Variants in RNGTT observed in about 807,000 individuals in gnomAD.
The protein encoded by RNGTT is mRNA-capping enzyme.
In RNGTT, 33 loss-of-function variants were observed where a neutral mutation model predicts 79.3. The ratio of observed to expected loss-of-function variants is 0.42; its 90% confidence interval spans 0.32 to 0.56. RNGTT has a LOEUF of 0.56. Among genes scored for constraint, RNGTT ranks in the 20% least tolerant of loss-of-function variants. The pLI, the probability that RNGTT is intolerant of heterozygous loss-of-function variation, is 0.17. For missense variants in RNGTT, 497 were observed against 739.1 expected, an observed-to-expected ratio of 0.67 and a Z score of 3.80; for synonymous variants, 222 against 235.9, an observed-to-expected ratio of 0.94 and a Z score of 0.54.
chr6:88,663,791 G>C (rs1031887652), intron 14 of RNGTT, among the ~76,000 whole-genome samples: 3 of 152,178 alleles, frequency 2.0e-5, no homozygotes, highest in African/African-American at 7.2e-5. Context: ...ATGCCCCTAA[G>C]AGAGCAACGG....
intron 13 of RNGTT, among the ~76,000 whole-genome samples, chr6:88,747,193 A>C (rs1186667710): frequency 2.6e-5 from 4 of 152,200 alleles, no homozygotes; most frequent in Non-Finnish European, 5.9e-5. Flanking sequence ...GTGGGCATCA[A>C]AATTTGAAAG....
At position 88,929,144 on chromosome 6, in the gene RNGTT, A is replaced by T; in HGVS notation, c.278+20T>A. The stretch of plus-strand genomic sequence containing the variant: ...GTGATGAAAGGTTTCAATATTAAAG[A>T]ATCTTAATATATAACTTACCCTTTA... On this transcript the variant is annotated intron_variant, in intron 3 of 15. Transcript: ENST00000369485. The T allele has an allele frequency of 6.4e-7, 1 of 1,561,360 alleles. No homozygotes were observed. The highest frequency in any genetic ancestry group is 8.8e-7 in the Non-Finnish European group (1 of 1,140,080).
intron 14 of RNGTT, among the ~76,000 whole-genome samples, chr6:88,676,689 A>G (rs1369466900): frequency 6.6e-6 from 1 of 152,248 alleles, no homozygotes; most frequent in Non-Finnish European, 1.5e-5. Context: ...TAAAGGACTT[A>G]TATCCAGAAG....
intron 6 of RNGTT, among the ~76,000 whole-genome samples, chr6:88,893,555 G>A (rs1214107789): frequency 6.6e-6 from 1 of 152,034 alleles, no homozygotes; most frequent in Non-Finnish European, 1.5e-5. Flanking sequence ...TATTACCACA[G>A]AAATATTTTA....
At chr6:88,646,408 G>C (rs1366175560) in intron 14 of RNGTT, among the ~76,000 whole-genome samples, 3 of 152,188 alleles carry the variant, frequency 2.0e-5, no homozygotes, top group Non-Finnish European at 2.9e-5. Context: ...CTGTAAACTA[G>C]TTCAACCATT....
chr6:88,818,450 G>GT lies in RNGTT; in HGVS notation c.1270-16819dup, dbSNP rs200390719. 7.8e-3 allele frequency among the ~76,000 whole-genome samples: 1,184 copies of GT among 152,194 alleles called. 8 individuals carry two copies. Among genetic ancestry groups the GT allele is most frequent in the African/African-American group, 0.026 (1,096 of 41,536 alleles). The stretch of plus-strand genomic sequence containing the variant: ...ATACAAAAATTAGCCAGGCATAGTG[G>GT]TACATGCCTGTAATCCCAGCTACTC... On this transcript the variant is annotated intron_variant, in intron 11 of 15. Coordinates refer to ENST00000369485, the MANE Select transcript of RNGTT (RefSeq NM_003800.5).
At chr6:88,894,599 C>T (rs1438981798) in intron 6 of RNGTT, among the ~76,000 whole-genome samples, 2 of 152,190 alleles carry the variant, frequency 1.3e-5, no homozygotes, top group Non-Finnish European at 2.9e-5. Flanking sequence ...CGCATGTACA[C>T]ACAGACCAGT....
At chr6:88,830,312 T>C (rs948236895) in intron 11 of RNGTT, among the ~76,000 whole-genome samples, 1 of 151,850 alleles carries the variant, frequency 6.6e-6, no homozygotes, top group African/African-American at 2.4e-5. Context: ...AAGAAGTTAA[T>C]TAAGGAAGAA....
chr6:88,746,398 A>T lies in RNGTT; in HGVS notation c.1439+23376T>A, dbSNP rs377050906. Among the ~76,000 whole-genome samples the T allele has an allele frequency of 3.3e-5, 5 of 152,264 alleles. No individual in the cohort carries two copies. The East Asian group carries it at 9.7e-4, about 29-fold the overall frequency. On this transcript the variant is annotated intron_variant, in intron 13 of 15. Coordinates refer to ENST00000369485, the MANE Select transcript of RNGTT (RefSeq NM_003800.5). ...GTTTTGCCACAAGTATATGCTTTAA[A>T]TTATGTACCAAATCATCCCCAGAAG... is the stretch of plus-strand genomic sequence containing the variant.
intron 14 of RNGTT, among the ~76,000 whole-genome samples, chr6:88,675,715 A>C (rs1774848142): frequency 6.6e-6 from 1 of 151,692 alleles, no homozygotes; most frequent in Non-Finnish European, 1.5e-5. Context: ...GAAAAAAAAA[A>C]CAATCAGCTT....
At chr6:88,643,293 T>C (rs969339182) in intron 14 of RNGTT, among the ~76,000 whole-genome samples, 1 of 152,166 alleles carries the variant, frequency 6.6e-6, no homozygotes. Context: ...TTACTGAATA[T>C]AGTACTGAAA....
chr6:88,817,306 C>T (rs985181216), intron 11 of RNGTT, among the ~76,000 whole-genome samples: 2 of 151,896 alleles, frequency 1.3e-5, no homozygotes, highest in African/African-American at 4.8e-5. Context: ...TTAAAAGGTA[C>T]ATTTTTTGGA....
At chr6:88,804,524 C>G (rs1342061760) in intron 11 of RNGTT, among the ~76,000 whole-genome samples, 1 of 151,786 alleles carries the variant, frequency 6.6e-6, no homozygotes, top group Non-Finnish European at 1.5e-5. Flanking sequence ...ATAGAATATA[C>G]TATATGAATA....
intron 14 of RNGTT, among the ~76,000 whole-genome samples, chr6:88,654,726 C>T (rs548603480): frequency 2.6e-5 from 4 of 152,238 alleles, no homozygotes; most frequent in South Asian, 2.1e-4. Context: ...ACTCTCCTGC[C>T]AGAAGCATAT....
At chr6:88,621,856 C>T (rs971385742) in intron 14 of RNGTT, among the ~76,000 whole-genome samples, 6 of 152,068 alleles carry the variant, frequency 3.9e-5, no homozygotes, top group African/African-American at 1.4e-4. Flanking sequence ...AGGCCAGTTT[C>T]AGTTGGCATG....
chr6:88,652,352 T>C (rs1353687320), intron 14 of RNGTT, among the ~76,000 whole-genome samples: 1 of 152,302 alleles, frequency 6.6e-6, no homozygotes. Context: ...ATTTTATTTA[T>C]AGGCAATTAA....
chr6:88,788,744 T>C (rs961638081), intron 12 of RNGTT, among the ~76,000 whole-genome samples: 3 of 152,368 alleles, frequency 2.0e-5, no homozygotes, highest in East Asian at 1.9e-4. Flanking sequence ...GTGAACTAGA[T>C]AACCTCTGAT....
intron 8 of RNGTT, among the ~76,000 whole-genome samples, chr6:88,887,925 G>A (rs1380885064): frequency 6.6e-6 from 1 of 152,134 alleles, no homozygotes; most frequent in African/African-American, 2.4e-5. Context: ...AGACCAGCCT[G>A]GGCAACATGG....
Position 88,793,239 on chromosome 6 carries a change from A to G in RNGTT, c.1338+8325T>C, listed in dbSNP as rs542334825. ...AATCAGAAATAAAACATTAAGAAAC[A>G]AAGACTGAAATCATTAAAATTTCAT... On this transcript the variant is annotated intron_variant, in intron 12 of 15. Transcript: ENST00000369485. 7.9e-5 allele frequency among the ~76,000 whole-genome samples: 12 copies of G among 152,324 alleles called. No homozygotes were observed. In the South Asian group the frequency reaches 2.5e-3, roughly 32 times the overall value.
Sources: allele counts gnomAD v4.1 joint callset (sites outside exome capture counted in the v4.1 genomes callset), GRCh38; gene constraint gnomAD v4.1.1; transcripts MANE v1.5; gene names NCBI Gene and HGNC (gene_info 2026-07-23, HGNC 2026-07-21).